The following DPP10 variants were observed in gnomAD, a reference collection of about 807,000 sequenced individuals.
DPP10 encodes the protein dipeptidyl peptidase like 10.
Under a neutral mutation model 120.9 loss-of-function variants are expected in DPP10, and 33 were observed. That is an observed-to-expected ratio of 0.27 (90% CI 0.21 to 0.37). The LOEUF (loss-of-function observed/expected upper bound fraction) is 0.37. Among genes scored for constraint, DPP10 ranks in the 10% least tolerant of loss-of-function variants. The pLI is 1.00. For missense variants in DPP10, 816 were observed against 942.8 expected (o/e 0.87, Z 1.76); for synonymous variants, 337 against 326.1 (o/e 1.03, Z -0.36).
chr2:114,675,792 C>T (rs750752115), intron 1 of DPP10, among the ~76,000 whole-genome samples: 1 of 147,678 alleles, frequency 6.8e-6, no homozygotes, highest in Non-Finnish European at 1.5e-5. Context: ...TTTTCTGCAT[C>T]TCCCATCTTT....
intron 1 of DPP10, among the ~76,000 whole-genome samples, chr2:115,140,531 G>A (rs1197048120): frequency 6.6e-6 from 1 of 152,178 alleles, no homozygotes; most frequent in Non-Finnish European, 1.5e-5. Flanking sequence ...ATGTGATCTG[G>A]TTTCTCTTTT....
chr2:114,946,956 T>C lies in DPP10; in HGVS notation c.61-362283T>C, dbSNP rs891844691. 3.9e-5 allele frequency among the ~76,000 whole-genome samples: 6 copies of C among 152,260 alleles called. No homozygotes were observed. In the East Asian group the frequency reaches 1.2e-3, roughly 29 times the overall value. On this transcript the variant is annotated intron_variant, in intron 1 of 25. Coordinates refer to ENST00000410059, the MANE Select transcript of DPP10 (RefSeq NM_020868.6). ...GGAAGAATGTTAAATGTACATTAAA[T>C]TTCATAAACATATCTAGAAATATTT...
intron 1 of DPP10, among the ~76,000 whole-genome samples, chr2:115,261,410 G>A (rs1457336084): frequency 6.6e-6 from 1 of 152,188 alleles, no homozygotes; most frequent in African/African-American, 2.4e-5. Flanking sequence ...ATACGGTTTA[G>A]TGAATCTGGA....
chr2:115,358,692 A>G lies in DPP10; in HGVS notation c.271+14780A>G, dbSNP rs150708291. ...TGTATAAGTCTGTTCTCACGCTGCT[A>G]TGAAGAGATACCTGAGACTGAGTAA... On this transcript the variant is annotated intron_variant, in intron 3 of 25. Coordinates refer to ENST00000410059, the MANE Select transcript of DPP10 (RefSeq NM_020868.6). 4.9e-4 allele frequency among the ~76,000 whole-genome samples: 74 copies of G among 152,310 alleles called. 2 individuals are homozygous for G. In the East Asian group the frequency reaches 5.6e-3, roughly 12 times the overall value.
chr2:115,714,461 A>G (rs1236777886), intron 7 of DPP10, among the ~76,000 whole-genome samples: 1 of 152,216 alleles, frequency 6.6e-6, no homozygotes, highest in Non-Finnish European at 1.5e-5. Context: ...TTTAGGTGGA[A>G]CTATTCAGAA....
Position 115,840,839 on chromosome 2 carries a change from A to G in DPP10, c.2256+16A>G. ...TACTATGCAGGTAAGCTACTTTCTTAGAAGAACGTGTTTTCCTGCTGTGTT... is the reference window on the plus strand; with the variant it reads ...TACTATGCAGGTAAGCTACTTTCTTGGAAGAACGTGTTTTCCTGCTGTGTT... On this transcript the variant is annotated intron_variant, in intron 25 of 25. Coordinates refer to ENST00000410059, the MANE Select transcript of DPP10 (RefSeq NM_020868.6). The G allele has an allele frequency of 6.2e-7, 1 of 1,605,216 alleles. No individual in the cohort carries two copies. Among genetic ancestry groups the G allele is most frequent in the Non-Finnish European group, 8.5e-7 (1 of 1,174,752 alleles).
intron 7 of DPP10, among the ~76,000 whole-genome samples, chr2:115,691,706 C>A (rs1051467313): frequency 6.6e-6 from 1 of 152,062 alleles, no homozygotes; most frequent in Non-Finnish European, 1.5e-5. Context: ...ATGTTACATG[C>A]CCATTTTCAG....
chr2:115,092,400 C>A (rs1397138326), intron 1 of DPP10, among the ~76,000 whole-genome samples: 2 of 152,128 alleles, frequency 1.3e-5, no homozygotes, highest in African/African-American at 2.4e-5. Flanking sequence ...CCCTAATTAT[C>A]CAGCATAAAA....
intron 1 of DPP10, among the ~76,000 whole-genome samples, chr2:114,988,690 A>G (rs1311923502): frequency 2.6e-5 from 4 of 152,198 alleles, no homozygotes; most frequent in Non-Finnish European, 4.4e-5. Flanking sequence ...GCTTCAATCT[A>G]GCTTTTTCTT....
At chr2:114,975,557 G>A (rs181203361) in intron 1 of DPP10, among the ~76,000 whole-genome samples, 42 of 152,172 alleles carry the variant, frequency 2.8e-4, no homozygotes, top group Non-Finnish European at 5.3e-4. Context: ...GTAAAAATGC[G>A]TTTGTGCTAA....
chr2:115,209,982 T>C (rs1483281135), intron 1 of DPP10, among the ~76,000 whole-genome samples: 1 of 152,134 alleles, frequency 6.6e-6, no homozygotes, highest in Non-Finnish European at 1.5e-5. Context: ...AGTTCAACAC[T>C]AGCCTGGGCA....
intron 5 of DPP10, among the ~76,000 whole-genome samples, chr2:115,659,283 G>A (rs914898286): frequency 6.6e-6 from 1 of 151,958 alleles, no homozygotes; most frequent in African/African-American, 2.4e-5. Context: ...CAGATATTCT[G>A]GTATAGCAGC....
chr2:114,633,320 C>T (rs1380806258), intron 1 of DPP10, among the ~76,000 whole-genome samples: 5 of 134,090 alleles, frequency 3.7e-5, no homozygotes, highest in East Asian at 2.2e-4. Context: ...GGCACGATCT[C>T]GGTTCACTGC....
chr2:115,839,244 T>C (rs10200677), intron 24 of DPP10, among the ~76,000 whole-genome samples: 5,490 of 152,272 alleles, frequency 0.036, 339 homozygotes, highest in African/African-American at 0.13. Context: ...ACTATCTAGT[T>C]TTTTAATAGG....
At chr2:115,629,905 A>G (rs2085698470) in intron 5 of DPP10, among the ~76,000 whole-genome samples, 1 of 152,132 alleles carries the variant, frequency 6.6e-6, no homozygotes, top group Non-Finnish European at 1.5e-5. Flanking sequence ...TTCCATGTGA[A>G]GTTTAAAGTA....
At chr2:114,744,278 T>C (rs766093259) in intron 1 of DPP10, among the ~76,000 whole-genome samples, 1 of 152,204 alleles carries the variant, frequency 6.6e-6, no homozygotes, top group Non-Finnish European at 1.5e-5. Context: ...AATAGGATTA[T>C]AGCTTCAGCT....
At chr2:114,690,991 T>C (rs544509997) in intron 1 of DPP10, among the ~76,000 whole-genome samples, 2 of 152,156 alleles carry the variant, frequency 1.3e-5, no homozygotes, top group Admixed American at 1.3e-4. Flanking sequence ...GTATTCTAAA[T>C]ATAGGATCAT....
chr2:115,034,201 A>G (rs1021329091), intron 1 of DPP10, among the ~76,000 whole-genome samples: 3 of 151,866 alleles, frequency 2.0e-5, no homozygotes, highest in African/African-American at 7.3e-5. Flanking sequence ...GGCCTGGCCA[A>G]TATCTTTCTC....
chr2:115,356,756 C>A (rs2064422142), intron 3 of DPP10, among the ~76,000 whole-genome samples: 1 of 151,848 alleles, frequency 6.6e-6, no homozygotes, highest in Non-Finnish European at 1.5e-5. Context: ...GAGAGTTTTT[C>A]TTTATCCAGT....
Sources: allele counts gnomAD v4.1 joint callset (sites outside exome capture counted in the v4.1 genomes callset), GRCh38; gene constraint gnomAD v4.1.1; transcripts MANE v1.5; gene names NCBI Gene and HGNC (gene_info 2026-07-23, HGNC 2026-07-21).